The following SETD5 variants were observed in gnomAD, a reference collection of about 807,000 sequenced individuals.
SETD5 encodes SET domain containing 5, also known as histone-lysine N-methyltransferase SETD5.
A neutral mutation model predicts 153.3 loss-of-function variants in SETD5; 44 were observed. That is an observed-to-expected ratio of 0.29 (90% CI 0.23 to 0.37). The LOEUF is 0.37. Ranked by LOEUF, SETD5 falls within the 10% of genes least tolerant of loss-of-function variation. The pLI is 1.00. For missense variants in SETD5, 1,544 were observed against 1,768.0 expected, an observed-to-expected ratio of 0.87 and a Z score of 2.27; for synonymous variants, 716 against 645.2, an observed-to-expected ratio of 1.11 and a Z score of -1.66.
chr3:9,430,116 C>T (rs2039788823), intron 3 of SETD5: 1 of 1,025,090 alleles, frequency 9.8e-7, no homozygotes, highest in Non-Finnish European at 1.2e-6. Context: ...ATTCTTCCCC[C>T]TTCAGCAAAG....
At chr3:9,472,708 C>T (rs183222195) in intron 19 of SETD5, among the ~76,000 whole-genome samples, 2 of 152,124 alleles carry the variant, frequency 1.3e-5, no homozygotes, top group Admixed American at 6.5e-5. Flanking sequence ...CCCTCTCTCT[C>T]TCCACCTACC....
chr3:9,424,315 C>G (rs2038834270), intron 1 of SETD5, among the ~76,000 whole-genome samples, 152 bp from the exon 2 acceptor site: 1 of 152,044 alleles, frequency 6.6e-6, no homozygotes, highest in Non-Finnish European at 1.5e-5. Context: ...AAATTCAGTG[C>G]CGGATGGACG....
intron 10 of SETD5, chr3:9,443,005 A>T: frequency 4.0e-6 from 1 of 248,808 alleles, no homozygotes; most frequent in Non-Finnish European, 8.1e-6. Context: ...ACGCCACTCC[A>T]CTCCAGCCTG....
rs117719643 is a variant in SETD5 at position 9,446,704 on chromosome 3, G to A, written c.1525-346G>A. ...GACGGAGTTTCACCATGTTGGCCACGACGGTCTCAATCTCCCGACCTCATG... is the reference window on the plus strand; with the variant it reads ...GACGGAGTTTCACCATGTTGGCCACAACGGTCTCAATCTCCCGACCTCATG... On this transcript the variant is annotated intron_variant, in intron 13 of 22. Coordinates refer to ENST00000402198, the MANE Select transcript of SETD5 (RefSeq NM_001080517.3). Among the ~76,000 whole-genome samples the A allele has an allele frequency of 8.9e-4, 135 of 152,090 alleles. 4 individuals carry two copies. In the East Asian group the frequency reaches 0.018, roughly 21 times the overall value.
intron 7 of SETD5, among the ~76,000 whole-genome samples, chr3:9,438,912 T>A (rs993567590): frequency 6.6e-6 from 1 of 152,190 alleles, no homozygotes; most frequent in African/African-American, 2.4e-5. Context: ...GTGCAAAATT[T>A]CCCTCAATTG....
At chr3:9,418,096 G>A (rs1300730815) in intron 1 of SETD5, among the ~76,000 whole-genome samples, 3 of 150,650 alleles carry the variant, frequency 2.0e-5, no homozygotes, top group African/African-American at 2.4e-5. Context: ...GCCTGCCACC[G>A]CTCCCGGCTA....
chr3:9,461,023 T>C (rs1422945199), intron 17 of SETD5, among the ~76,000 whole-genome samples: 1 of 152,016 alleles, frequency 6.6e-6, no homozygotes, highest in Non-Finnish European at 1.5e-5. Context: ...TTGAAGGCAA[T>C]CAGTAAACTG....
intron 1 of SETD5, among the ~76,000 whole-genome samples, chr3:9,418,107 A>ATT (rs78653171): frequency 7.0e-6 from 1 of 142,036 alleles, no homozygotes; most frequent in African/African-American, 2.6e-5. Flanking sequence ...CTCCCGGCTA[A>ATT]TTTTTTTTTT....
chr3:9,430,938 C>G (rs1200433229), intron 3 of SETD5: 3 of 985,086 alleles, frequency 3.0e-6, no homozygotes, highest in African/African-American at 1.7e-5. Context: ...TCATAACTAG[C>G]TACATAGTTA....
intron 1 of SETD5, among the ~76,000 whole-genome samples, chr3:9,404,269 G>C (rs1016751281): frequency 6.6e-6 from 1 of 152,064 alleles, no homozygotes; most frequent in South Asian, 2.1e-4. Context: ...ACTGCCTTTC[G>C]TACACGTAAT....
At chr3:9,458,445 A>G (rs1341124615) in intron 17 of SETD5, among the ~76,000 whole-genome samples, 1 of 152,078 alleles carries the variant, frequency 6.6e-6, no homozygotes, top group Non-Finnish European at 1.5e-5. Context: ...AGAGAGACCC[A>G]CATCTCTACA....
rs981303312 is a variant in SETD5 at position 9,476,612 on chromosome 3, G to A, written c.*521G>A. 1.3e-5 allele frequency: 2 copies of A among 153,790 alleles called. No homozygotes were observed. Among genetic ancestry groups the A allele is most frequent in the Non-Finnish European group, 1.5e-5 (1 of 68,906 alleles). The allele number at this position is 153,790 out of a possible 1,614,324, so 9.5% of individuals were successfully genotyped here. ...TCCTAAGACAACCATTCCAAAAGCA[G>A]GTATCTGGCCAATGTGTGTCCACCA... On this transcript the variant is annotated 3_prime_UTR_variant, in exon 23 of 23. Coordinates refer to ENST00000402198, the MANE Select transcript of SETD5 (RefSeq NM_001080517.3).
At chr3:9,416,419 A>G (rs2037472990) in intron 1 of SETD5, among the ~76,000 whole-genome samples, 1 of 152,196 alleles carries the variant, frequency 6.6e-6, no homozygotes, top group African/African-American at 2.4e-5. Flanking sequence ...GCTGTGTCGC[A>G]GCTGTGGGTC....
At chr3:9,425,491 T>G (rs9682161) in intron 2 of SETD5, among the ~76,000 whole-genome samples, 8 of 152,316 alleles carry the variant, frequency 5.3e-5, no homozygotes, top group African/African-American at 1.9e-4. Flanking sequence ...TCTTTTCCTT[T>G]TAGTATATCT....
At chr3:9,408,769 T>C (rs769972206) in intron 1 of SETD5, among the ~76,000 whole-genome samples, 21 of 152,324 alleles carry the variant, frequency 1.4e-4, no homozygotes, top group African/African-American at 1.9e-4. Flanking sequence ...GATCAAACTT[T>C]GTGGTCTTAA....
chr3:9,422,756 C>A (rs745539203), intron 1 of SETD5, among the ~76,000 whole-genome samples: 2 of 152,136 alleles, frequency 1.3e-5, no homozygotes, highest in African/African-American at 4.8e-5. Flanking sequence ...TTTTGGCGTT[C>A]TGTTGGTTTA....
chr3:9,459,648 TGGCA>T (rs1391454467), intron 17 of SETD5, among the ~76,000 whole-genome samples: 1 of 138,236 alleles, frequency 7.2e-6, no homozygotes, highest in Admixed American at 7.7e-5. Context: ...CCGGGCATAG[TGGCA>T]GGCGCCTGTA....
At chr3:9,440,356 G>A (rs1203580991) in intron 7 of SETD5, 100 bp from the exon 8 acceptor site, 4 of 663,636 alleles carry the variant, frequency 6.0e-6, no homozygotes, top group South Asian at 3.7e-5. Context: ...CAATTGCCAA[G>A]TGATAAATTT....
In SETD5 at chr3:9,434,746, G is replaced by T; in HGVS notation, c.330-78G>T. 1.3e-6 allele frequency: 2 copies of T among 1,517,586 alleles called. No individual in the cohort carries two copies. The highest frequency in any genetic ancestry group is 2.4e-5 in the East Asian group (1 of 42,206). 94.0% of individuals were successfully genotyped at this position (1,517,586 alleles called of 1,614,324 possible). A position where few individuals can be genotyped will look rare whatever the true frequency, so the allele number is the denominator to read the frequency against. On this transcript the variant is annotated intron_variant, in intron 5 of 22. Transcript: ENST00000402198. This position sits in a 1 kb window ranked among gnomAD's most constrained non-coding sequence, Gnocchi z 5.6. ...TGGGAGGGAGGGGGTAGCATATGCAGAGACACTTCGCCCATGTGTGCTATG... is the reference window on the plus strand; with the variant it reads ...TGGGAGGGAGGGGGTAGCATATGCATAGACACTTCGCCCATGTGTGCTATG...
Sources: allele counts gnomAD v4.1 joint callset (sites outside exome capture counted in the v4.1 genomes callset), GRCh38; gene constraint gnomAD v4.1.1; non-coding constraint Gnocchi (gnomAD v3.1); transcripts MANE v1.5; gene names NCBI Gene and HGNC (gene_info 2026-07-23, HGNC 2026-07-21).